Variants in PRR14L observed in about 807,000 individuals in gnomAD.
The protein encoded by PRR14L is protein PRR14L.
PRR14L carries 80 observed loss-of-function variants against 155.0 expected under a neutral mutation model. The observed-to-expected ratio is 0.52, with a 90% CI of 0.43 to 0.62. The LOEUF is 0.62. Ranked by LOEUF, PRR14L falls within the 20% of genes least tolerant of loss-of-function variation. PRR14L has a pLI of 0.00. For synonymous variants in PRR14L, 883 were observed against 916.0 expected (o/e 0.96, Z 0.65); for missense variants, 2,469 against 2,548.0 (o/e 0.97, Z 0.67).
chr22:31,701,863 A>G, intron 6 of PRR14L, 101 bp from the exon 7 acceptor site: 2 of 858,710 alleles, frequency 2.3e-6, no homozygotes, highest in Non-Finnish European at 3.6e-6. Context: ...GCTGGTGTGA[A>G]GTGGTGCAAT....
chr22:31,692,920 G>A (rs1362950354), intron 7 of PRR14L, among the ~76,000 whole-genome samples: 2 of 152,120 alleles, frequency 1.3e-5, no homozygotes, highest in Non-Finnish European at 2.9e-5. Flanking sequence ...GATTACAGGC[G>A]TGAGCCACCA....
chr22:31,709,011 TG>T (rs1249887349), intron 4 of PRR14L, among the ~76,000 whole-genome samples: 5 of 151,736 alleles, frequency 3.3e-5, no homozygotes, highest in East Asian at 3.9e-4. Context: ...TTAGTAGAGA[TG>T]GGGTTTCTCC....
At chr22:31,732,758 G>A (rs2074757008) in intron 2 of PRR14L, among the ~76,000 whole-genome samples, 1 of 152,220 alleles carries the variant, frequency 6.6e-6, no homozygotes, top group South Asian at 2.1e-4. Flanking sequence ...AAAACCTGCT[G>A]GTTTTGGGGA....
intron 2 of PRR14L, among the ~76,000 whole-genome samples, chr22:31,726,154 T>C (rs2074715536): frequency 1.3e-5 from 2 of 151,700 alleles, no homozygotes; most frequent in South Asian, 4.2e-4. Context: ...AAAAAAAACT[T>C]TTTTAGAGGC....
intron 2 of PRR14L, among the ~76,000 whole-genome samples, chr22:31,734,423 C>G (rs9621324): frequency 6.6e-6 from 1 of 152,134 alleles, no homozygotes; most frequent in African/African-American, 2.4e-5. Context: ...GATATTTTGT[C>G]AATATAGCAA....
At chr22:31,709,726 G>C (rs1601501359) in intron 4 of PRR14L, among the ~76,000 whole-genome samples, 1 of 150,520 alleles carries the variant, frequency 6.6e-6, no homozygotes, top group African/African-American at 2.4e-5. Flanking sequence ...TTTTTAGTAG[G>C]GACAGGGTTT....
intron 2 of PRR14L, among the ~76,000 whole-genome samples, chr22:31,733,132 C>T (rs1170172105): frequency 6.6e-6 from 1 of 151,558 alleles, no homozygotes; most frequent in South Asian, 2.1e-4. Flanking sequence ...GGATTACAGG[C>T]GACCGCCACA....
In PRR14L at chr22:31,712,496, G is replaced by A. The variant is rs1383815970; in HGVS notation, c.5343C>T (p.Asp1781=). Residue 1781 remains aspartate, a synonymous_variant, in exon 4 of 9, where the codon GAC becomes GAT. Transcript: ENST00000327423. ...TGTGGGTCTGACTATGGACGCCAGT[G>A]TCTTCCCTGAATGTTGCCATCCCAG... The part of the protein sequence containing the change: ...GCPGMATFRE[D]TGVHSQTHTQ... The A allele has an allele frequency of 1.3e-6, 2 of 1,552,108 alleles. No individual in the cohort carries two copies. Among genetic ancestry groups the A allele is most frequent in the East Asian group, 2.4e-5 (1 of 40,922 alleles).
In PRR14L at chr22:31,712,810, T is replaced by C. The variant is rs2074631135; in HGVS notation, c.5029A>G (p.Ser1677Gly). ...CTGTTAGGCCTCTTATCCCATCCAC[T>C]AGCTGCCAAATATGGATTCAGCTGC... ...TEQLNPYLAA[S>G]GWDKRPNSKP... Residue 1677 changes from serine to glycine, a missense_variant, in exon 4 of 9, where the codon AGT becomes GGT. By Grantham distance (56) the Ser-to-Gly change is moderately conservative. Around this residue, in one of 2 missense-constraint regions of PRR14L, gnomAD observed 2,363 missense variants for 2,371.6 expected, o/e 1.00. Transcript: ENST00000327423. 7 of 1,552,156 alleles carry C rather than the reference T, an allele frequency of 4.5e-6. No individual in the cohort carries two copies. The highest frequency in any genetic ancestry group is 5.2e-6 in the Non-Finnish European group (6 of 1,147,080).
rs2074665722 is a variant in PRR14L, at chr22:31,717,273, G to T, written c.566C>A (p.Thr189Lys). Reference sequence around the variant, plus strand: ...GGCGGATTTTAGCAGAGTTTCAGCTGTAATCTGTACATTTCCTTCTGAATA... The same window carrying T: ...GGCGGATTTTAGCAGAGTTTCAGCTTTAATCTGTACATTTCCTTCTGAATA... ...LRSKEGNVQITAETLLKSAEV... is the reference protein window; with the variant it reads ...LRSKEGNVQIKAETLLKSAEV... Residue 189 changes from threonine (T) to lysine (K), a missense_variant, in exon 4 of 9, where the codon ACA becomes AAA. Thr to Lys is a moderately conservative substitution (Grantham distance 78). Transcript: ENST00000327423. 1 of 1,548,526 alleles carries T rather than the reference G, an allele frequency of 6.5e-7. No homozygotes were observed. Among genetic ancestry groups the T allele is most frequent in the Non-Finnish European group, 8.7e-7 (1 of 1,145,526 alleles).
At chr22:31,721,557 G>T (rs997489665) in intron 3 of PRR14L, among the ~76,000 whole-genome samples, 1 of 141,114 alleles carries the variant, frequency 7.1e-6, no homozygotes, top group Non-Finnish European at 1.5e-5. Context: ...GACAGAGCAA[G>T]ACTCACAAAA....
rs550467040 is a variant in PRR14L at position 31,719,992 on chromosome 22, T to C, written c.548-2701A>G. ...CTCAAGCAATCCTCCCGCCTCAGCC[T>C]CTCAAAGTGCTGGGATTATGGGTGT... On this transcript the variant is annotated intron_variant, in intron 3 of 8. Transcript: ENST00000327423. Among the ~76,000 whole-genome samples, 64 of 152,292 alleles carry C rather than the reference T, an allele frequency of 4.2e-4. 1 individual carries two copies. The Middle Eastern group carries it at 0.01, about 24-fold the overall frequency.
At chr22:31,748,449 A>ACT (rs2074852539) in intron 1 of PRR14L, among the ~76,000 whole-genome samples, 1 of 44,580 alleles carries the variant, frequency 2.2e-5, no homozygotes, top group Non-Finnish European at 3.6e-5. Flanking sequence ...AAGGAGTGAA[A>ACT]CTGGAAAATG....
intron 7 of PRR14L, among the ~76,000 whole-genome samples, chr22:31,693,450 CCAGACAGTTTATT>C (rs1451384922): frequency 4.6e-5 from 7 of 152,196 alleles, no homozygotes; most frequent in Admixed American, 4.6e-4. Flanking sequence ...ATTCCATTGT[CCAGACAGTTTATT>C]CATTCAGCTA....
intron 2 of PRR14L, among the ~76,000 whole-genome samples, chr22:31,733,923 T>C (rs953175921): frequency 6.0e-5 from 9 of 149,516 alleles, no homozygotes; most frequent in Non-Finnish European, 1.0e-4. Flanking sequence ...CACACACACA[T>C]ACACCACACA....
rs370844552 is a variant in PRR14L at position 31,714,269 on chromosome 22, G to C, written c.3570C>G (p.Leu1190=). Residue 1190 remains leucine (L), a synonymous_variant, in exon 4 of 9, where the codon CTC becomes CTG. Coordinates refer to ENST00000327423, the MANE Select transcript of PRR14L (RefSeq NM_173566.3). ...CTTCAGTCATTTCTTGTGTTTCTCT[G>C]AGAGATGTTCCTTTATCTTGCTGTC... The part of the protein sequence containing the change: ...HYGQQDKGTS[L]RETQEMTEGS... 1 of 1,551,416 alleles carries C rather than the reference G, an allele frequency of 6.4e-7. No homozygotes were observed. The highest frequency in any genetic ancestry group is 2.4e-5 in the East Asian group (1 of 40,912).
At chr22:31,688,901 TACACAC>T (rs149232375) in intron 7 of PRR14L, among the ~76,000 whole-genome samples, 2 of 147,766 alleles carry the variant, frequency 1.4e-5, no homozygotes, top group South Asian at 2.1e-4. Flanking sequence ...AATATATACA[TACACAC>T]ACACACACAC....
At chr22:31,705,279 A>T (rs986525366) in intron 4 of PRR14L, among the ~76,000 whole-genome samples, 7 of 152,192 alleles carry the variant, frequency 4.6e-5, no homozygotes, top group African/African-American at 1.2e-4. Flanking sequence ...AATAAATTTT[A>T]AAAAATTTAA....
chr22:31,735,104 T>C (rs1207739886), intron 2 of PRR14L, among the ~76,000 whole-genome samples: 1 of 152,208 alleles, frequency 6.6e-6, no homozygotes, highest in Non-Finnish European at 1.5e-5. Flanking sequence ...AAATGGAATA[T>C]ACACTGGTGG....
Sources: allele counts gnomAD v4.1 joint callset (sites outside exome capture counted in the v4.1 genomes callset), GRCh38; gene constraint gnomAD v4.1.1; regional missense constraint gnomAD v4.1.1; transcripts MANE v1.5; gene names NCBI Gene and HGNC (gene_info 2026-07-23, HGNC 2026-07-21).